Variants in SH3KBP1 observed in about 807,000 individuals in gnomAD.
The protein encoded by SH3KBP1 is SH3 domain containing kinase binding protein 1, also known as SH3 domain-containing kinase-binding protein 1.
Under a neutral mutation model 50.1 loss-of-function variants are expected in SH3KBP1, and 8 were observed. The ratio of observed to expected loss-of-function variants is 0.16; its 90% CI spans 0.09 to 0.29. The LOEUF (loss-of-function observed/expected upper bound fraction) is 0.29. SH3KBP1 is among the 10% of genes least tolerant of loss of function. SH3KBP1 has a pLI of 1.00. For missense variants in SH3KBP1, 377 were observed against 535.2 expected (o/e 0.70, Z 2.92); for synonymous variants, 227 against 218.6 (o/e 1.04, Z -0.34).
intron 2 of SH3KBP1, among the ~76,000 whole-genome samples, chrX:19,833,546 C>T (rs1469150928): frequency 1.9e-5 from 2 of 106,888 alleles, no homozygotes. Context: ...TCTCTCTTTC[C>T]CATGATCCTT....
chrX:19,878,353 G>C (rs1356452207), intron 1 of SH3KBP1, among the ~76,000 whole-genome samples: 1 of 104,188 alleles, frequency 9.6e-6, no homozygotes, highest in Non-Finnish European at 2.0e-5. Flanking sequence ...GCCCAGACTG[G>C]AGTGCAGTGG....
intron 2 of SH3KBP1, among the ~76,000 whole-genome samples, chrX:19,782,650 G>A (rs1164742354): frequency 1.8e-5 from 2 of 112,033 alleles, no homozygotes; most frequent in African/African-American, 6.5e-5. Context: ...CCAACTAAAA[G>A]AGCACTTGAA....
intron 3 of SH3KBP1, among the ~76,000 whole-genome samples, chrX:19,738,781 C>G (rs900817111): frequency 9.5e-6 from 1 of 105,563 alleles, no homozygotes; most frequent in African/African-American, 3.5e-5. Context: ...GAGGCCGAGG[C>G]TGGGGGATGA....
intron 8 of SH3KBP1, among the ~76,000 whole-genome samples, chrX:19,618,330 G>A (rs143106097): frequency 0.026 from 2,587 of 100,159 alleles, 40 homozygotes; most frequent in Non-Finnish European, 0.04. Context: ...GTTGCAGTGA[G>A]CCGAGATTTT....
At chrX:19,596,822 CA>C (rs1192315129) in intron 9 of SH3KBP1, among the ~76,000 whole-genome samples, 1 of 112,128 alleles carries the variant, frequency 8.9e-6, no homozygotes, top group Non-Finnish European at 1.9e-5. Context: ...GAGATTGCAG[CA>C]ATTCAGTCAT....
intron 13 of SH3KBP1, among the ~76,000 whole-genome samples, chrX:19,556,989 T>C (rs1284047194): frequency 2.7e-5 from 3 of 111,811 alleles, no homozygotes; most frequent in African/African-American, 9.8e-5. Context: ...AGTTTTGAGC[T>C]ACTGTTTTGA....
At chrX:19,544,128 G>T (rs1184515623) in intron 15 of SH3KBP1, among the ~76,000 whole-genome samples, 1 of 110,914 alleles carries the variant, frequency 9.0e-6, no homozygotes, top group Admixed American at 9.6e-5. Flanking sequence ...AGACTGGGCA[G>T]AGAAAGCCAA....
At chrX:19,748,471 C>G (rs772589969) in intron 2 of SH3KBP1, among the ~76,000 whole-genome samples, 2 of 111,231 alleles carry the variant, frequency 1.8e-5, no homozygotes, top group African/African-American at 6.5e-5. Flanking sequence ...TGGGTCTGAT[C>G]AAGAGCAGGT....
At chrX:19,810,801 G>A (rs1045034498) in intron 2 of SH3KBP1, among the ~76,000 whole-genome samples, 6 of 112,066 alleles carry the variant, frequency 5.4e-5, no homozygotes, top group Admixed American at 4.7e-4. Flanking sequence ...GAGGTATATG[G>A]ATTTTTAACC....
chrX:19,534,784 G>T lies in SH3KBP1; in HGVS notation c.*1633C>A, dbSNP rs2064668066. The T allele has an allele frequency of 3.4e-6, 1 of 297,272 alleles. No individual in the cohort carries two copies. Among genetic ancestry groups the T allele is most frequent in the Non-Finnish European group, 5.9e-6 (1 of 170,143 alleles). The allele number at this position is 297,272 out of a possible 1,213,427, so 24.5% of individuals were successfully genotyped here. Reference sequence around the variant, plus strand: ...GGTGTTTGGGCTCCTTAAATACTCGGAGGGAAATAACAGCCTCAAGTAGCA... The same window carrying T: ...GGTGTTTGGGCTCCTTAAATACTCGTAGGGAAATAACAGCCTCAAGTAGCA... On this transcript the variant is annotated 3_prime_UTR_variant, in exon 18 of 18. Transcript: ENST00000397821.
intron 2 of SH3KBP1, among the ~76,000 whole-genome samples, chrX:19,782,552 T>C (rs1030905009): frequency 1.8e-5 from 2 of 111,443 alleles, no homozygotes; most frequent in Non-Finnish European, 3.8e-5. Flanking sequence ...GAAGGCTTTG[T>C]ACGCACACAC....
intron 12 of SH3KBP1, among the ~76,000 whole-genome samples, chrX:19,574,274 CTTA>C (rs1176192562): frequency 1.8e-5 from 2 of 112,172 alleles, no homozygotes; most frequent in Non-Finnish European, 1.9e-5. Flanking sequence ...ATCTTCCCCA[CTTA>C]TTCTTCAGAA....
chrX:19,868,855 A>AAGTATG (rs1390289538), intron 1 of SH3KBP1, among the ~76,000 whole-genome samples: 1 of 108,372 alleles, frequency 9.2e-6, no homozygotes, highest in Admixed American at 9.8e-5. Flanking sequence ...ATGCTCCCCA[A>AAGTATG]TCCCCACAAA....
intron 3 of SH3KBP1, among the ~76,000 whole-genome samples, chrX:19,733,921 C>G (rs1160685850): frequency 1.8e-5 from 2 of 112,036 alleles, no homozygotes; most frequent in Non-Finnish European, 3.8e-5. Context: ...TGAGACAGAT[C>G]AGTGCAAGCT....
At position 19,535,382 on chromosome X, in the gene SH3KBP1, AAAT is replaced by A. The variant is rs1166402367; in HGVS notation, c.*1032_*1034del. 2 of 143,745 alleles carry A rather than the reference AAAT, an allele frequency of 1.4e-5. No individual in the cohort carries two copies. Among genetic ancestry groups the A allele is most frequent in the African/African-American group, 3.1e-5 (1 of 32,488 alleles). The allele number at this position is 143,745 out of a possible 1,213,427, so 11.8% of individuals were successfully genotyped here. ...ACACACACGGGTAACCCAGTGCAGG[AAAT>A]AATACAACTTTCCCTCCCTTGTTTT... On this transcript the variant is annotated 3_prime_UTR_variant, in exon 18 of 18. Coordinates refer to ENST00000397821, the MANE Select transcript of SH3KBP1 (RefSeq NM_031892.3).
intron 3 of SH3KBP1, 77 bp from the exon 4 acceptor site, chrX:19,707,061 G>A: frequency 1.2e-6 from 1 of 859,339 alleles, no homozygotes; most frequent in Non-Finnish European, 1.7e-6. Context: ...TCCTAGGCAT[G>A]CAGGCAAATT....
At chrX:19,827,585 G>A (rs58934093) in intron 2 of SH3KBP1, among the ~76,000 whole-genome samples, 3,669 of 110,699 alleles carry the variant, frequency 0.033, 121 homozygotes, top group African/African-American at 0.1. Flanking sequence ...GAACTCAGAA[G>A]AAAAGGCTGC....
intron 1 of SH3KBP1, among the ~76,000 whole-genome samples, chrX:19,855,949 T>C (rs148934093): frequency 0.023 from 2,519 of 111,169 alleles, 86 homozygotes; most frequent in African/African-American, 0.078. Context: ...AATACATTCA[T>C]TCCACTGGCT....
chrX:19,591,302 A>G (rs1406875173), intron 11 of SH3KBP1, among the ~76,000 whole-genome samples: 2 of 112,154 alleles, frequency 1.8e-5, no homozygotes, highest in Non-Finnish European at 3.8e-5. Context: ...TCGTAATAAC[A>G]TAGCACTTTT....
Sources: gnomAD v4.1 joint callset for allele counts (sites outside exome capture counted in the v4.1 genomes callset) on GRCh38, gnomAD v4.1.1 for gene constraint, MANE v1.5 for transcripts, NCBI Gene and HGNC (gene_info 2026-07-23, HGNC 2026-07-21) for gene names.